PDXDC1: variants seen among roughly 807,000 people sequenced by gnomAD.
The protein encoded by PDXDC1 is pyridoxal-dependent decarboxylase domain-containing protein 1.
A neutral mutation model predicts 100.1 loss-of-function variants in PDXDC1; 42 were observed. The ratio of observed to expected loss-of-function variants is 0.42; its 90% CI spans 0.33 to 0.54. The LOEUF is 0.54. PDXDC1 is among the 20% of genes least tolerant of loss of function. The probability of loss-of-function intolerance (pLI) is 0.10; values close to 1 mark genes in which losing one functional copy is unlikely to be tolerated. For synonymous variants in PDXDC1, 260 were observed against 371.7 expected (o/e 0.70, Z 3.46); for missense variants, 636 against 979.2 (o/e 0.65, Z 4.68).
chr16:15,129,589 C>T (rs553694966), intron 16 of PDXDC1, among the ~76,000 whole-genome samples: 238 of 152,334 alleles, frequency 1.6e-3, no homozygotes, highest in African/African-American at 4.1e-3. Flanking sequence ...GGTGGATGCA[C>T]GGTCTCCCAC....
chr16:15,015,980 T>A (rs1202045968), intron 8 of PDXDC1, 149 bp from the exon 9 acceptor site: 1 of 1,427,140 alleles, frequency 7.0e-7, no homozygotes, highest in Non-Finnish European at 9.4e-7. Context: ...AAACACTGAT[T>A]TTAAGTCCTT....
chr16:15,132,420 TA>T (rs918703110), intron 16 of PDXDC1, among the ~76,000 whole-genome samples: 4 of 26,438 alleles, frequency 1.5e-4, no homozygotes, highest in East Asian at 1.1e-3. Context: ...GGGGAGGGGC[TA>T]GGGGAGGGAA....
chr16:15,138,104 G>T, intron 16 of PDXDC1: 2 of 458,538 alleles, frequency 4.4e-6, no homozygotes, highest in Non-Finnish European at 7.9e-6. Flanking sequence ...CTCAAGCCTG[G>T]AAGGGGACAC....
At chr16:14,992,136 G>T (rs1327019670) in intron 1 of PDXDC1, among the ~76,000 whole-genome samples, 1 of 152,268 alleles carries the variant, frequency 6.6e-6, no homozygotes, top group African/African-American at 2.4e-5. Context: ...AATGGCAGCC[G>T]CAACAACTGC....
chr16:15,048,115 A>T (rs1005136278), intron 16 of PDXDC1: 8 of 1,525,656 alleles, frequency 5.2e-6, no homozygotes, highest in African/African-American at 2.8e-5. Context: ...TAATTAAAAA[A>T]AAAATAAAAT....
chr16:15,080,962 T>C (rs1021301340), intron 16 of PDXDC1, among the ~76,000 whole-genome samples: 1 of 152,202 alleles, frequency 6.6e-6, no homozygotes, highest in Non-Finnish European at 1.5e-5. Context: ...GGTTCAATCA[T>C]GTTGTAACAT....
At chr16:15,130,271 G>A (rs749977748) in intron 16 of PDXDC1, 41 of 1,541,768 alleles carry the variant, frequency 2.7e-5, no homozygotes, top group Non-Finnish European at 3.6e-5. Context: ...GGTGGCGGGT[G>A]AGGCAGACGG....
chr16:15,110,148 G>GAA (rs375187720), intron 16 of PDXDC1, among the ~76,000 whole-genome samples: 3,004 of 128,376 alleles, frequency 0.023, 98 homozygotes, highest in African/African-American at 0.052. Flanking sequence ...CCCATCTCAG[G>GAA]AAAAAAAAAA....
At chr16:15,039,987 T>C (rs1364702924), downstream of PDXDC1, 5 of 1,604,590 alleles carry the variant, frequency 3.1e-6, no homozygotes, top group African/African-American at 5.4e-5. Flanking sequence ...CTGCTAAAGT[T>C]CGCGCAGCAC....
chr16:15,128,021 C>T, intron 16 of PDXDC1: 30 of 1,599,732 alleles, frequency 1.9e-5, no homozygotes, highest in Non-Finnish European at 2.6e-5. Flanking sequence ...CTCCACCAGG[C>T]CCCCGTTGGC....
chr16:15,079,364 G>A (rs915311768), intron 16 of PDXDC1, among the ~76,000 whole-genome samples: 1 of 152,136 alleles, frequency 6.6e-6, no homozygotes, highest in Non-Finnish European at 1.5e-5. Flanking sequence ...AGGCCAAACA[G>A]GAAAAATCAC....
intron 8 of PDXDC1, among the ~76,000 whole-genome samples, chr16:15,015,444 C>T (rs1391745406): frequency 6.6e-5 from 10 of 152,210 alleles, no homozygotes; most frequent in South Asian, 2.1e-4. Flanking sequence ...CTGCTGGGCA[C>T]GGTGGCTCAT....
downstream of PDXDC1, chr16:15,040,479 CTG>C (rs1272608154): frequency 5.5e-6 from 1 of 182,416 alleles, no homozygotes; most frequent in Non-Finnish European, 1.1e-5. Flanking sequence ...ACAGTGAACA[CTG>C]TGTACCTACC....
intron 16 of PDXDC1, chr16:15,135,682 G>A (rs1351286884): frequency 2.4e-5 from 38 of 1,595,416 alleles, no homozygotes; most frequent in Admixed American, 1.0e-4. Flanking sequence ...ACTGGAAACT[G>A]AGCGGCGTCT....
At chr16:15,062,614 T>C (rs1278778314) in intron 16 of PDXDC1, among the ~76,000 whole-genome samples, 1 of 152,230 alleles carries the variant, frequency 6.6e-6, no homozygotes, top group African/African-American at 2.4e-5. Flanking sequence ...CATGAAGATC[T>C]ATAAAACTAA....
chr16:15,043,225 A>G (rs761754850), downstream of PDXDC1, among the ~76,000 whole-genome samples: 20 of 150,204 alleles, frequency 1.3e-4, no homozygotes, highest in South Asian at 1.5e-3. Context: ...TAGTAGAGAC[A>G]GAGTTTCACC....
At chr16:15,041,174 A>G (rs1010672916), downstream of PDXDC1, 3 of 1,161,730 alleles carry the variant, frequency 2.6e-6, no homozygotes, top group East Asian at 2.3e-5. Flanking sequence ...CCAAATGATT[A>G]TTTTTACTTT....
At chr16:15,094,823 T>G (rs1164846480) in intron 16 of PDXDC1, 1 of 152,668 alleles carries the variant, frequency 6.6e-6, no homozygotes, top group Non-Finnish European at 1.5e-5. Flanking sequence ...TGTTACCCCC[T>G]TGACTTTATT....
chr16:15,083,820 G>A (rs1408000086), intron 16 of PDXDC1: 12 of 404,378 alleles, frequency 3.0e-5, no homozygotes, highest in African/African-American at 4.2e-5. Flanking sequence ...AGGTTCAAGC[G>A]ATTCTCCTGC....
Sources: allele counts gnomAD v4.1 joint callset (sites outside exome capture counted in the v4.1 genomes callset), GRCh38; gene constraint gnomAD v4.1.1; transcripts MANE v1.5; gene names NCBI Gene and HGNC (gene_info 2026-07-23, HGNC 2026-07-21).